The following ANO4 variants were observed in gnomAD, a reference collection of about 807,000 sequenced individuals.
The protein encoded by ANO4 is anoctamin 4.
In ANO4, 69 loss-of-function variants were observed where a neutral mutation model predicts 141.9. That is an observed-to-expected ratio of 0.49 (90% CI 0.40 to 0.59). The LOEUF (loss-of-function observed/expected upper bound fraction) is 0.59. Ranked by LOEUF, ANO4 falls within the 20% of genes least tolerant of loss-of-function variation. ANO4 has a pLI of 0.00. For synonymous variants in ANO4, 350 were observed against 394.3 expected (o/e 0.89, Z 1.33); for missense variants, 894 against 1,162.2 (o/e 0.77, Z 3.36).
intron 8 of ANO4, among the ~76,000 whole-genome samples, chr12:101,013,656 AT>A (rs1179013022): frequency 6.6e-6 from 1 of 152,172 alleles, no homozygotes; most frequent in Non-Finnish European, 1.5e-5. Context: ...CTTAAATTTA[AT>A]TTTTAATCAA....
At chr12:100,877,278 A>G (rs821853) in intron 1 of ANO4, among the ~76,000 whole-genome samples, 1 of 151,366 alleles carries the variant, frequency 6.6e-6, no homozygotes, top group African/African-American at 2.4e-5. Context: ...TTTAAATGTT[A>G]TAATCACAAA....
intron 1 of ANO4, among the ~76,000 whole-genome samples, chr12:100,837,405 G>T (rs2036986598): frequency 2.0e-5 from 3 of 152,248 alleles, no homozygotes; most frequent in Admixed American, 1.3e-4. Flanking sequence ...CAACAGTCTT[G>T]CTTCAGAGTT....
intron 2 of ANO4, 111 bp downstream of exon 2, chr12:100,901,951 G>T: frequency 9.3e-7 from 1 of 1,076,162 alleles, no homozygotes; most frequent in Non-Finnish European, 1.3e-6. Flanking sequence ...GCTTGCTTTT[G>T]TTAGGAGTCT....
intron 1 of ANO4, among the ~76,000 whole-genome samples, chr12:100,885,773 C>T (rs905669265): frequency 6.6e-6 from 1 of 152,132 alleles, no homozygotes; most frequent in African/African-American, 2.4e-5. Flanking sequence ...AAGATTTTAT[C>T]TGTGATTTCT....
chr12:100,873,125 T>C (rs1274120972), intron 1 of ANO4, among the ~76,000 whole-genome samples: 3 of 152,228 alleles, frequency 2.0e-5, no homozygotes, highest in Non-Finnish European at 1.5e-5. Flanking sequence ...ACCTGTGGAA[T>C]TGTGAGTCAA....
chr12:100,866,423 T>C (rs923483550), intron 1 of ANO4, among the ~76,000 whole-genome samples: 5 of 152,180 alleles, frequency 3.3e-5, no homozygotes, highest in African/African-American at 9.6e-5. Flanking sequence ...TGGATGGCGG[T>C]GACCCAAACC....
At chr12:101,077,944 A>AAAAATATAACATATTTTT in intron 14 of ANO4, among the ~76,000 whole-genome samples, 1 of 152,272 alleles carries the variant, frequency 6.6e-6, no homozygotes, top group African/African-American at 2.4e-5. Flanking sequence ...ATTTGCCAAC[A>AAAAATATAACATATTTTT]GTAGCACAGC....
intron 9 of ANO4, among the ~76,000 whole-genome samples, chr12:101,024,045 G>A (rs1593046217): frequency 1.3e-5 from 2 of 152,172 alleles, no homozygotes; most frequent in East Asian, 1.9e-4. Flanking sequence ...CTGCCACTAT[G>A]TACATTTTTC....
At chr12:100,805,123 G>T (rs565324997) in intron 1 of ANO4, among the ~76,000 whole-genome samples, 1 of 152,280 alleles carries the variant, frequency 6.6e-6, no homozygotes, top group South Asian at 2.1e-4. Context: ...GTTAATTTTT[G>T]TATAAGATGT....
At chr12:100,999,784 C>T (rs2045554659) in intron 8 of ANO4, among the ~76,000 whole-genome samples, 1 of 151,988 alleles carries the variant, frequency 6.6e-6, no homozygotes, top group Non-Finnish European at 1.5e-5. Flanking sequence ...ATGGCTCACA[C>T]CTGTAACCCC....
chr12:100,894,512 G>A (rs821858), intron 1 of ANO4, among the ~76,000 whole-genome samples: 101,204 of 151,884 alleles, frequency 0.67, 34,783 homozygotes, highest in African/African-American at 0.84. Flanking sequence ...ACCTGAGCTC[G>A]CTTAACTAAG....
chr12:100,799,556 A>T (rs573255156), intron 1 of ANO4, among the ~76,000 whole-genome samples: 1 of 152,314 alleles, frequency 6.6e-6, no homozygotes, highest in Non-Finnish European at 1.5e-5. Flanking sequence ...ATCCTGGCCA[A>T]CATGGTGAAA....
At chr12:100,752,477 G>A (rs774600995) in intron 3 of ANO4, among the ~76,000 whole-genome samples, 3 of 151,990 alleles carry the variant, frequency 2.0e-5, no homozygotes, top group Non-Finnish European at 2.9e-5. Flanking sequence ...AAAACAACAA[G>A]TCAAGATCCA....
chr12:100,749,478 C>G (rs1038272741), intron 3 of ANO4, among the ~76,000 whole-genome samples: 1 of 152,170 alleles, frequency 6.6e-6, no homozygotes, highest in Non-Finnish European at 1.5e-5. Flanking sequence ...CTATATTGTT[C>G]TTTTCAGAAT....
intron 3 of ANO4, among the ~76,000 whole-genome samples, chr12:100,785,802 A>G (rs1397659818): frequency 1.3e-5 from 2 of 152,198 alleles, no homozygotes; most frequent in Admixed American, 1.3e-4. Context: ...GAGTATGTTT[A>G]GTTTTGTAAG....
Position 100,725,471 on chromosome 12 carries a change from C to T in ANO4, c.22+7924C>T, listed in dbSNP as rs555880042. 1.2e-4 allele frequency among the ~76,000 whole-genome samples: 18 copies of T among 151,934 alleles called. 1 individual carries two copies. The South Asian group carries it at 2.5e-3, about 21-fold the overall frequency. On this transcript the variant is annotated intron_variant, in intron 1 of 29. Coordinates refer to the ANO4 transcript ENST00000644049. ...ACGCCATTCTCCTGCCTCAGCCTCC[C>T]GAGTAGCTGGGACTACAGGCGCCCA...
intron 14 of ANO4, among the ~76,000 whole-genome samples, chr12:101,071,373 TACA>T (rs1484238424): frequency 6.6e-6 from 1 of 151,470 alleles, no homozygotes; most frequent in Non-Finnish European, 1.5e-5. Flanking sequence ...TCCTGTCATT[TACA>T]ACAACATGGA....
At position 100,721,279 on chromosome 12, in the gene ANO4, C is replaced by T. The variant is rs376670109; in HGVS notation, c.22+3732C>T. ...TAGCCTTAACCCAGGGTTACTAGAA[C>T]GAATAAGATCTCCCGCTGTTTCTGT... is the stretch of plus-strand genomic sequence containing the variant. On this transcript the variant is annotated intron_variant, in intron 1 of 29. Coordinates refer to the ANO4 transcript ENST00000644049. Among the ~76,000 whole-genome samples the T allele has an allele frequency of 4.8e-4, 73 of 152,254 alleles. 2 individuals are homozygous for T. The South Asian group carries it at 0.012, about 26-fold the overall frequency.
At chr12:101,011,311 C>CT (rs11440615) in intron 8 of ANO4, among the ~76,000 whole-genome samples, 124,096 of 143,776 alleles carry the variant, frequency 0.86, 53,791 homozygotes, top group African/African-American at 0.93. Flanking sequence ...GAATCATGGC[C>CT]TTTTTTCTTT....
Sources: gnomAD v4.1 joint callset for allele counts (sites outside exome capture counted in the v4.1 genomes callset) on GRCh38, gnomAD v4.1.1 for gene constraint, MANE v1.5 for transcripts, NCBI Gene and HGNC (gene_info 2026-07-23, HGNC 2026-07-21) for gene names.